DLGAP1: variants seen among roughly 807,000 people sequenced by gnomAD.
DLGAP1 encodes DLG associated protein 1, also known as disks large-associated protein 1.
In DLGAP1, 11 loss-of-function variants were observed where a neutral mutation model predicts 90.8. The ratio of observed to expected loss-of-function variants is 0.12; its 90% confidence interval spans 0.08 to 0.20. The LOEUF (loss-of-function observed/expected upper bound fraction) is 0.20, where lower values mean the gene tolerates loss of function less well. Among genes scored for constraint, DLGAP1 ranks in the 10% least tolerant of loss-of-function variants. DLGAP1 has a pLI of 1.00. For missense variants in DLGAP1, 1,050 were observed against 1,333.8 expected (o/e 0.79, Z 3.31); for synonymous variants, 558 against 540.7 (o/e 1.03, Z -0.44).
chr18:4,246,373 G>C (rs763575354), intron 1 of DLGAP1, among the ~76,000 whole-genome samples: 3 of 152,154 alleles, frequency 2.0e-5, no homozygotes, highest in Non-Finnish European at 2.9e-5. Context: ...TAACAGTTCT[G>C]GGTGAAAATG....
chr18:4,448,734 G>A (rs925782379), intron 1 of DLGAP1, among the ~76,000 whole-genome samples: 4 of 152,026 alleles, frequency 2.6e-5, no homozygotes, highest in Non-Finnish European at 5.9e-5. Flanking sequence ...TACACTACAT[G>A]TCTGGCCAGA....
intron 1 of DLGAP1, among the ~76,000 whole-genome samples, chr18:4,318,647 T>G (rs2080594062): frequency 6.6e-6 from 1 of 152,140 alleles, no homozygotes; most frequent in African/African-American, 2.4e-5. Flanking sequence ...TCTCCTTTAT[T>G]TATTTTTCAG....
At position 3,937,725 on chromosome 18, in the gene DLGAP1, C is replaced by A. The variant is rs926788907; in HGVS notation, c.-72-57585G>T. Among the ~76,000 whole-genome samples the A allele has an allele frequency of 3.3e-5, 5 of 152,262 alleles. No homozygotes were observed. The South Asian group carries it at 1.0e-3, about 32-fold the overall frequency. On this transcript the variant is annotated intron_variant, in intron 3 of 12. Coordinates refer to ENST00000315677, the MANE Select transcript of DLGAP1 (RefSeq NM_004746.4). ...TATGTAATAAAGCTTATGCTGTTTC[C>A]TTATAGGAAGTCCCATCAGACACCT...
chr18:3,623,886 C>T (rs746252046), intron 7 of DLGAP1, among the ~76,000 whole-genome samples: 1 of 152,078 alleles, frequency 6.6e-6, no homozygotes, highest in Admixed American at 6.6e-5. Flanking sequence ...AGGATGTGGC[C>T]GGTCCCCGTG....
At chr18:4,075,087 C>A (rs998419431) in intron 2 of DLGAP1, among the ~76,000 whole-genome samples, 13 of 152,140 alleles carry the variant, frequency 8.5e-5, no homozygotes, top group Non-Finnish European at 1.6e-4. Context: ...TACTTTAGAA[C>A]CACTGAAATT....
At chr18:3,889,865 C>T (rs1434396465) in intron 3 of DLGAP1, among the ~76,000 whole-genome samples, 3 of 152,180 alleles carry the variant, frequency 2.0e-5, no homozygotes, top group East Asian at 1.9e-4. Context: ...TGTGGGGCAG[C>T]GTTAGCCATG....
chr18:3,860,760 T>C (rs768663467), intron 4 of DLGAP1, among the ~76,000 whole-genome samples: 17 of 152,202 alleles, frequency 1.1e-4, no homozygotes, highest in Admixed American at 3.3e-4. Context: ...TGGAATTAAG[T>C]GATTTTCAGG....
rs751187210 is a variant in DLGAP1, at chr18:3,499,262, A to G, written c.2857T>C (p.Ser953Pro). 3 of 1,602,070 alleles carry G rather than the reference A, an allele frequency of 1.9e-6. No homozygotes were observed. Among genetic ancestry groups the G allele is most frequent in the Non-Finnish European group, 8.5e-7 (1 of 1,175,304 alleles). ...KRLMAAKRAA[S>P]VRQNSATESA... ...TCGGTGGCCGAGTTCTGGCGGACGG[A>G]CGCGGCGCGCTTGGCGGCCATCAGG... Residue 953 changes from serine (S) to proline (P), a missense_variant, in exon 13 of 13, where the codon TCC becomes CCC. Ser to Pro is a moderately conservative substitution (Grantham distance 74). This residue lies in a region of DLGAP1 where 565 missense variants were observed against 879.7 expected (regional missense o/e 0.64). Transcript: ENST00000315677. The surrounding 1 kb of genome is among the most constrained non-coding windows in gnomAD (Gnocchi z 6.4).
intron 1 of DLGAP1, among the ~76,000 whole-genome samples, chr18:4,237,304 G>A (rs955480468): frequency 6.6e-6 from 1 of 152,180 alleles, no homozygotes; most frequent in Non-Finnish European, 1.5e-5. Flanking sequence ...TTTCTCAGCA[G>A]TATACCTAGT....
At chr18:3,706,980 A>G (rs980488043) in intron 7 of DLGAP1, among the ~76,000 whole-genome samples, 1 of 152,210 alleles carries the variant, frequency 6.6e-6, no homozygotes, top group East Asian at 1.9e-4. Flanking sequence ...TTAAGAGAAG[A>G]ACTGAGTTCA....
chr18:4,260,255 TCTG>T (rs1239805743), intron 1 of DLGAP1, among the ~76,000 whole-genome samples: 2 of 152,188 alleles, frequency 1.3e-5, no homozygotes, highest in African/African-American at 4.8e-5. Context: ...GGCTGGGGAC[TCTG>T]CTGAGGGAAC....
At chr18:4,109,681 A>C (rs1319469940) in intron 2 of DLGAP1, among the ~76,000 whole-genome samples, 1 of 152,118 alleles carries the variant, frequency 6.6e-6, no homozygotes, top group Non-Finnish European at 1.5e-5. Context: ...CACTCCTAGA[A>C]TCTCTAGGAC....
At chr18:4,417,679 C>A (rs558761504) in intron 1 of DLGAP1, among the ~76,000 whole-genome samples, 1 of 151,942 alleles carries the variant, frequency 6.6e-6, no homozygotes. Context: ...CTCTTGGGCA[C>A]AGGAAAAAAC....
chr18:3,705,156 C>A (rs903485567), intron 7 of DLGAP1, among the ~76,000 whole-genome samples: 1 of 152,304 alleles, frequency 6.6e-6, no homozygotes, highest in Non-Finnish European at 1.5e-5. Flanking sequence ...TTTGGTAGGG[C>A]TATTTAAATT....
At chr18:3,505,581 T>TGG (rs1319626675) in intron 11 of DLGAP1, among the ~76,000 whole-genome samples, 2 of 139,236 alleles carry the variant, frequency 1.4e-5, no homozygotes, top group Non-Finnish European at 3.0e-5. Flanking sequence ...GAGATTGCAA[T>TGG]GAGCTGAGTT....
At chr18:4,151,074 A>G (rs955893621) in intron 2 of DLGAP1, 106 bp downstream of exon 2, 1 of 152,236 alleles carries the variant, frequency 6.6e-6, no homozygotes, top group African/African-American at 2.4e-5. Context: ...TTTTGTTCAA[A>G]TATACCATGC....
At chr18:4,231,130 G>T (rs1046023647) in intron 1 of DLGAP1, among the ~76,000 whole-genome samples, 1 of 151,804 alleles carries the variant, frequency 6.6e-6, no homozygotes, top group African/African-American at 2.4e-5. Flanking sequence ...CTCTTGAGAA[G>T]AAATAAATGT....
Position 3,498,837 on chromosome 18 carries a change from A to C in DLGAP1, c.*348T>G, listed in dbSNP as rs1053227682. 9 of 292,954 alleles carry C rather than the reference A, an allele frequency of 3.1e-5. No individual in the cohort carries two copies. The highest frequency in any genetic ancestry group is 5.0e-5 in the Non-Finnish European group (8 of 159,442). The allele number at this position is 292,954 out of a possible 1,614,324, so 18.1% of individuals were successfully genotyped here. On this transcript the variant is annotated 3_prime_UTR_variant, in exon 13 of 13. Transcript: ENST00000315677. ...ATGGTTTTATATTGCTGAACAGACT[A>C]GCTCGAGAGAACTGAGGACGGCGGG...
At chr18:3,989,172 G>A (rs774281021) in intron 3 of DLGAP1, among the ~76,000 whole-genome samples, 6 of 152,208 alleles carry the variant, frequency 3.9e-5, no homozygotes, top group African/African-American at 7.2e-5. Flanking sequence ...CCTAGCTTGC[G>A]TCCTTGCTGG....
Sources: allele counts gnomAD v4.1 joint callset (sites outside exome capture counted in the v4.1 genomes callset), GRCh38; gene constraint gnomAD v4.1.1; regional missense constraint gnomAD v4.1.1; non-coding constraint Gnocchi (gnomAD v3.1); transcripts MANE v1.5; gene names NCBI Gene and HGNC (gene_info 2026-07-23, HGNC 2026-07-21).